Variants in SEL1L2 observed in about 807,000 individuals in gnomAD.
The protein encoded by SEL1L2 is SEL1L2 adaptor subunit of SYVN1 ubiquitin ligase.
In SEL1L2, 89 loss-of-function variants were observed where a neutral mutation model predicts 98.8. The ratio of observed to expected loss-of-function variants is 0.90; its 90% CI spans 0.76 to 1.07. The LOEUF (loss-of-function observed/expected upper bound fraction) is 1.07. SEL1L2 is among the 50% of genes least tolerant of loss of function. The probability of loss-of-function intolerance (pLI) is 0.00; values close to 1 mark genes in which losing one functional copy is unlikely to be tolerated. For synonymous variants in SEL1L2, 262 were observed against 278.5 expected, an observed-to-expected ratio of 0.94 and a Z score of 0.59; for missense variants, 788 against 812.0, an observed-to-expected ratio of 0.97 and a Z score of 0.36.
upstream of SEL1L2, chr20:13,995,112 A>G (rs2052610585): frequency 6.4e-6 from 1 of 157,260 alleles, no homozygotes; most frequent in Non-Finnish European, 1.4e-5. This position sits in a 1 kb window ranked among gnomAD's most constrained non-coding sequence, Gnocchi z 4.3. Flanking sequence ...ACATCCTCCA[A>G]GTCCCTGAGG....
chr20:13,941,172 G>A (rs1394115176), intron 2 of SEL1L2, among the ~76,000 whole-genome samples: 3 of 152,046 alleles, frequency 2.0e-5, no homozygotes, highest in East Asian at 1.9e-4. Flanking sequence ...TAAAAGACAC[G>A]ACCAACAACT....
intron 17 of SEL1L2, among the ~76,000 whole-genome samples, chr20:13,861,885 G>C (rs1026438442): frequency 6.6e-6 from 1 of 152,086 alleles, no homozygotes; most frequent in Non-Finnish European, 1.5e-5. Context: ...TCTCAGAAGC[G>C]CCAATGCCAC....
At chr20:13,949,660 C>T (rs570686691) in intron 2 of SEL1L2, among the ~76,000 whole-genome samples, 8 of 150,386 alleles carry the variant, frequency 5.3e-5, no homozygotes, top group South Asian at 4.2e-4. Flanking sequence ...GAGACTCTGT[C>T]TCAAAACAAA....
At chr20:13,964,764 T>G (rs753275846) in intron 1 of SEL1L2, among the ~76,000 whole-genome samples, 30 of 152,172 alleles carry the variant, frequency 2.0e-4, no homozygotes, top group Non-Finnish European at 3.1e-4. Flanking sequence ...TTTTCCTACT[T>G]TACATTCTTG....
At chr20:13,902,118 C>T (rs768136686) in intron 5 of SEL1L2, among the ~76,000 whole-genome samples, 75 of 152,268 alleles carry the variant, frequency 4.9e-4, no homozygotes, top group Non-Finnish European at 7.5e-4. Context: ...ACATGGCACA[C>T]TAGTGGGTGT....
chr20:13,912,721 C>A (rs780706255), intron 5 of SEL1L2, among the ~76,000 whole-genome samples: 16 of 152,174 alleles, frequency 1.1e-4, no homozygotes, highest in Non-Finnish European at 8.8e-5. Context: ...GATGCAGGAG[C>A]CACCCTGACG....
intron 2 of SEL1L2, among the ~76,000 whole-genome samples, chr20:13,934,214 C>A: frequency 6.8e-6 from 1 of 146,542 alleles, no homozygotes. Flanking sequence ...GTGAGAACAT[C>A]CAATGTTTGC....
chr20:13,893,308 A>G (rs539085404), intron 5 of SEL1L2, among the ~76,000 whole-genome samples: 1 of 152,298 alleles, frequency 6.6e-6, no homozygotes, highest in East Asian at 1.9e-4. Flanking sequence ...TCCTCCACAG[A>G]ACTCATTGAT....
At chr20:13,869,961 A>G (rs1260264706) in intron 13 of SEL1L2, among the ~76,000 whole-genome samples, 180 bp downstream of exon 13, 7 of 152,156 alleles carry the variant, frequency 4.6e-5, no homozygotes, top group Admixed American at 3.9e-4. Context: ...TCTTGTCACA[A>G]GCTTGTTCTT....
At chr20:13,887,584 A>T (rs142360475) in intron 8 of SEL1L2, among the ~76,000 whole-genome samples, 185 bp downstream of exon 8, 1 of 152,282 alleles carries the variant, frequency 6.6e-6, no homozygotes, top group African/African-American at 2.4e-5. Context: ...ATCTTTTAAA[A>T]CCATTTGGAA....
intron 10 of SEL1L2, among the ~76,000 whole-genome samples, chr20:13,880,383 G>A (rs2046637887): frequency 6.6e-6 from 1 of 152,036 alleles, no homozygotes; most frequent in African/African-American, 2.4e-5. Flanking sequence ...TAAAGGAATT[G>A]AGACTCTGTC....
chr20:13,930,081 G>A (rs909044008), intron 3 of SEL1L2, among the ~76,000 whole-genome samples: 4 of 152,192 alleles, frequency 2.6e-5, no homozygotes, highest in Non-Finnish European at 5.9e-5. Context: ...ATAGGCAATG[G>A]CCACCGGCCT....
intron 2 of SEL1L2, among the ~76,000 whole-genome samples, chr20:13,948,861 T>C (rs148619720): frequency 7.8e-4 from 119 of 152,292 alleles, no homozygotes; most frequent in African/African-American, 2.7e-3. Context: ...CCTGACCAAC[T>C]GAAACCGAGG....
chr20:13,917,496 C>G (rs1423158307), intron 4 of SEL1L2, among the ~76,000 whole-genome samples: 4 of 152,184 alleles, frequency 2.6e-5, no homozygotes, highest in African/African-American at 9.7e-5. Flanking sequence ...ATAATTTACA[C>G]ATGTAAAGTA....
intron 10 of SEL1L2, among the ~76,000 whole-genome samples, chr20:13,884,133 T>A (rs1346321624): frequency 6.6e-6 from 1 of 152,162 alleles, no homozygotes; most frequent in Non-Finnish European, 1.5e-5. Flanking sequence ...CAAAGACACA[T>A]CCATAAAATA....
At chr20:13,938,433 A>G (rs1210820789) in intron 2 of SEL1L2, among the ~76,000 whole-genome samples, 3 of 152,208 alleles carry the variant, frequency 2.0e-5, no homozygotes, top group Admixed American at 6.5e-5. Context: ...TTCTAAGGCT[A>G]GACTTTGACT....
chr20:13,876,026 T>C lies in SEL1L2; in HGVS notation c.1104+12A>G. 1 of 1,605,566 alleles carries C rather than the reference T, an allele frequency of 6.2e-7. No individual in the cohort carries two copies. The highest frequency in any genetic ancestry group is 1.1e-5 in the South Asian group (1 of 90,928). On this transcript the variant is annotated intron_variant, in intron 12 of 19. Coordinates refer to ENST00000284951, the MANE Select transcript of SEL1L2 (RefSeq NM_025229.2). ...GTGTGTATGTGTTTACAACAGTGCA[T>C]TGAGGACATACCTTACTGGCTGCCA...
chr20:13,955,873 A>G (rs536869646), intron 2 of SEL1L2, among the ~76,000 whole-genome samples: 3 of 152,304 alleles, frequency 2.0e-5, no homozygotes, highest in Non-Finnish European at 4.4e-5. Context: ...ACAGTCCACA[A>G]CTTAGAAGAC....
At chr20:13,870,709 G>C (rs1486046884) in intron 12 of SEL1L2, among the ~76,000 whole-genome samples, 1 of 152,050 alleles carries the variant, frequency 6.6e-6, no homozygotes, top group African/African-American at 2.4e-5. Context: ...GATCACCTGA[G>C]GTCAGGAGTT....
Sources: allele counts gnomAD v4.1 joint callset (sites outside exome capture counted in the v4.1 genomes callset), GRCh38; gene constraint gnomAD v4.1.1; non-coding constraint Gnocchi (gnomAD v3.1); transcripts MANE v1.5; gene names NCBI Gene and HGNC (gene_info 2026-07-23, HGNC 2026-07-21).